Variants in FBXL18 observed in about 807,000 individuals in gnomAD.
The protein encoded by FBXL18 is F-box and leucine rich repeat protein 18.
Under a neutral mutation model 46.0 loss-of-function variants are expected in FBXL18, and 36 were observed. That is an observed-to-expected ratio of 0.78 (90% confidence interval 0.60 to 1.03). The LOEUF (loss-of-function observed/expected upper bound fraction) is 1.03. FBXL18 is among the 50% of genes least tolerant of loss of function. FBXL18 has a pLI of 0.00. For missense variants in FBXL18, 977 were observed against 1,004.1 expected (o/e 0.97, Z 0.36); for synonymous variants, 557 against 465.3 (o/e 1.20, Z -2.54).
At chr7:5,483,456 A>T (rs1292807079) in intron 4 of FBXL18, among the ~76,000 whole-genome samples, 1 of 150,342 alleles carries the variant, frequency 6.7e-6, no homozygotes, top group East Asian at 1.9e-4. Context: ...AAGAAAAAAA[A>T]AATCGAGGCT....
downstream of FBXL18, among the ~76,000 whole-genome samples, chr7:5,475,446 C>G (rs1402198385): frequency 6.6e-6 from 1 of 152,238 alleles, no homozygotes; most frequent in African/African-American, 2.4e-5. This position sits in a 1 kb window ranked among gnomAD's most constrained non-coding sequence, Gnocchi z 4.2. Context: ...TGAGCTGCCA[C>G]CAGACCACAG....
downstream of FBXL18, among the ~76,000 whole-genome samples, chr7:5,471,200 T>C: frequency 6.6e-6 from 1 of 152,274 alleles, no homozygotes; most frequent in Non-Finnish European, 1.5e-5. Flanking sequence ...TGTGCAGGGC[T>C]CCTGGGGGCA....
chr7:5,491,454 G>A lies in FBXL18; in HGVS notation c.1782-5C>T, dbSNP rs774436698. On this transcript the variant is annotated splice_polypyrimidine_tract_variant and splice_region_variant and intron_variant, in intron 3 of 4. Transcript: ENST00000382368. ...CTGAAGTAGGGCTGCTCCAGCCTGC[G>A]GGGAGAGAGGGCAGCTGTGAGGTCC... 2.0e-5 allele frequency: 31 copies of A among 1,564,898 alleles called. No individual in the cohort carries two copies. Among genetic ancestry groups the A allele is most frequent in the South Asian group, 2.0e-4 (17 of 86,120 alleles).
rs760235411 is a variant in FBXL18 at position 5,500,703 on chromosome 7, C to T, written c.1566G>A (p.Ser522=). 11 of 1,610,770 alleles carry T rather than the reference C, an allele frequency of 6.8e-6. No homozygotes were observed. Among genetic ancestry groups the T allele is most frequent in the Non-Finnish European group, 8.5e-6 (10 of 1,178,950 alleles). The change falls in exon 3 of 5, where the codon TCG becomes TCA. Residue 522 remains serine, a synonymous_variant. Coordinates refer to ENST00000382368, the MANE Select transcript of FBXL18 (RefSeq NM_024963.6). ...CCAGCTGGCCGATGGCGGCCACCTC[C>T]GAGTCCCCGACACTCTGTGCGCGGC... The part of the protein sequence containing the change: ...PCSRAQSVGD[S]EVAAIGQLAF...
At chr7:5,490,066 G>A (rs765969058) in intron 4 of FBXL18, 1 of 1,354,780 alleles carries the variant, frequency 7.4e-7, no homozygotes, top group Admixed American at 2.0e-5. Flanking sequence ...TCCTGAGACA[G>A]CCAGCGGCCG....
intron 4 of FBXL18, among the ~76,000 whole-genome samples, chr7:5,467,508 C>T (rs35418889): frequency 0.013 from 1,932 of 150,886 alleles, 36 homozygotes; most frequent in African/African-American, 0.044. Context: ...ATCACACCAC[C>T]GCACCCCAGC....
intron 4 of FBXL18, among the ~76,000 whole-genome samples, chr7:5,468,105 C>T (rs979274631): frequency 2.0e-4 from 30 of 151,988 alleles, no homozygotes; most frequent in Non-Finnish European, 1.9e-4. Flanking sequence ...GCCTCAGTCT[C>T]CCGAGTAGCT....
At chr7:5,491,519 AGGT>A in intron 3 of FBXL18, 70 bp from the exon 4 acceptor site, 1 of 1,336,098 alleles carries the variant, frequency 7.5e-7, no homozygotes, top group Non-Finnish European at 1.0e-6. Context: ...GGGCGTCTGG[AGGT>A]GCTGCCAGTG....
intron 1 of FBXL18, 82 bp from the exon 2 acceptor site, chr7:5,505,712 G>A (rs528904853): frequency 8.5e-7 from 1 of 1,173,760 alleles, no homozygotes; most frequent in Non-Finnish European, 1.2e-6. Context: ...GAGAAGCAAA[G>A]AGAAGCCCTT....
chr7:5,484,613 G>GCACA (rs1480567471), intron 4 of FBXL18, among the ~76,000 whole-genome samples: 1 of 151,144 alleles, frequency 6.6e-6, no homozygotes, highest in Non-Finnish European at 1.5e-5. Flanking sequence ...GGGACCACAG[G>GCACA]CACACATCAC....
intron 4 of FBXL18, among the ~76,000 whole-genome samples, chr7:5,466,010 G>A (rs950902205): frequency 2.6e-5 from 4 of 151,976 alleles, no homozygotes; most frequent in African/African-American, 9.7e-5. Context: ...TAGAGACAAG[G>A]TTTCACCATG....
At chr7:5,507,849 A>T (rs922712007) in intron 1 of FBXL18, among the ~76,000 whole-genome samples, 4 of 151,622 alleles carry the variant, frequency 2.6e-5, no homozygotes, top group African/African-American at 7.3e-5. Context: ...AAAATTAGCA[A>T]GACAGGCTGG....
chr7:5,490,310 CG>C (rs1783888884), intron 4 of FBXL18: 2 of 1,159,250 alleles, frequency 1.7e-6, no homozygotes, highest in East Asian at 5.9e-5. Context: ...GCAGTCAGCC[CG>C]TCCTCCTGAG....
In FBXL18 at chr7:5,504,998, T is replaced by TGCA. The variant is rs375657996; in HGVS notation, c.237+411_237+413dup. On this transcript the variant is annotated intron_variant, in intron 2 of 4. Transcript: ENST00000382368. Reference sequence around the variant, plus strand: ...TGACAGTACCAAGTGTTGACAAGGCTGCAGAGCAATTGGAACTCCTGCACC... The same window carrying TGCA: ...TGACAGTACCAAGTGTTGACAAGGCTGCAGCAGAGCAATTGGAACTCCTGCACC... 1.1e-4 allele frequency among the ~76,000 whole-genome samples: 16 copies of TGCA among 145,100 alleles called. No homozygotes were observed. The East Asian group carries it at 3.4e-3, about 31-fold the overall frequency.
At position 5,500,948 on chromosome 7, in the gene FBXL18, T is replaced by A. The variant is rs1784228122; in HGVS notation, c.1321A>T (p.Met441Leu). 1.3e-6 allele frequency: 2 copies of A among 1,544,058 alleles called. No homozygotes were observed. The highest frequency in any genetic ancestry group is 1.2e-5 in the South Asian group (1 of 80,710). Residue 441 changes from methionine to leucine, a missense_variant, in exon 3 of 5, where the codon ATG becomes TTG. By Grantham distance (15) the Met-to-Leu change is conservative (BLOSUM62 2). Coordinates refer to ENST00000382368, the MANE Select transcript of FBXL18 (RefSeq NM_024963.6). ...CCAAAGCCGCGCGGCACTGCGTGCATGGCCGGCTGGGCGGGCGCGCGGTCG... is the reference window on the plus strand; with the variant it reads ...CCAAAGCCGCGCGGCACTGCGTGCAAGGCCGGCTGGGCGGGCGCGCGGTCG... ...RADRAPAQPA[M>L]HAVPRGFGKK...
intron 4 of FBXL18, among the ~76,000 whole-genome samples, chr7:5,467,179 G>T (rs563962860): frequency 1.3e-5 from 2 of 151,992 alleles, no homozygotes; most frequent in African/African-American, 4.8e-5. Flanking sequence ...GTGAAACCCC[G>T]TCTCTACTAA....
At chr7:5,510,630 G>A (rs1440776758) in intron 1 of FBXL18, among the ~76,000 whole-genome samples, 1 of 150,444 alleles carries the variant, frequency 6.6e-6, no homozygotes, top group African/African-American at 2.5e-5. Context: ...TGGCTTCAGT[G>A]AGCCATGATC....
Position 5,500,909 on chromosome 7 carries a change from C to A in FBXL18, c.1360G>T (p.Val454Leu). Residue 454 changes from valine (V) to leucine (L), a missense_variant, in exon 3 of 5, where the codon GTG becomes TTG. By Grantham distance (32) the Val-to-Leu change is conservative. Coordinates refer to ENST00000382368, the MANE Select transcript of FBXL18 (RefSeq NM_024963.6). ...GGGCTGGGACAGGACTGCACGCCCA[C>A]ACGCACTTTCTTGCCAAAGCCGCGC... The part of the protein sequence containing the change: ...VPRGFGKKVR[V>L]GVQSCPSPFS... 1 of 1,572,974 alleles carries A rather than the reference C, an allele frequency of 6.4e-7. No individual in the cohort carries two copies. The highest frequency in any genetic ancestry group is 8.6e-7 in the Non-Finnish European group (1 of 1,159,816).
chr7:5,463,963 A>G (rs1430831010), intron 4 of FBXL18, among the ~76,000 whole-genome samples: 1 of 151,638 alleles, frequency 6.6e-6, no homozygotes. Flanking sequence ...CTGGTCTCGA[A>G]CTACTGACCT....
Sources: gnomAD v4.1 joint callset for allele counts (sites outside exome capture counted in the v4.1 genomes callset) on GRCh38, gnomAD v4.1.1 for gene constraint, Gnocchi (gnomAD v3.1) non-coding constraint, MANE v1.5 for transcripts, NCBI Gene and HGNC (gene_info 2026-07-23, HGNC 2026-07-21) for gene names.